Variants in SH3BGRL observed in about 807,000 individuals in gnomAD.
SH3BGRL encodes the protein adapter SH3BGRL.
A neutral mutation model predicts 9.8 loss-of-function variants in SH3BGRL; 7 were observed. The observed-to-expected ratio is 0.72, with a 90% CI of 0.41 to 1.35. The LOEUF (loss-of-function observed/expected upper bound fraction) is 1.35. Ranked by LOEUF, SH3BGRL falls within the 40% of genes most tolerant of loss-of-function variation. The pLI, the probability that SH3BGRL is intolerant of heterozygous loss-of-function variation, is 0.01. For missense variants in SH3BGRL, 73 were observed against 84.4 expected, an observed-to-expected ratio of 0.86 and a Z score of 0.53; for synonymous variants, 36 against 29.1, an observed-to-expected ratio of 1.24 and a Z score of -0.76.
At chrX:81,267,016 T>C (rs1351499036) in intron 1 of SH3BGRL, among the ~76,000 whole-genome samples, 1 of 111,613 alleles carries the variant, frequency 9.0e-6, no homozygotes, top group Non-Finnish European at 1.9e-5. Context: ...TTGTCTGTTA[T>C]TGGTGTATAG....
chrX:81,274,935 C>G (rs1410078604), intron 1 of SH3BGRL, among the ~76,000 whole-genome samples: 5 of 110,998 alleles, frequency 4.5e-5, no homozygotes, highest in Non-Finnish European at 9.4e-5. Flanking sequence ...GTAGAACACA[C>G]TAGTAGGTAT....
chrX:81,247,572 T>A (rs1001227327), intron 1 of SH3BGRL, among the ~76,000 whole-genome samples: 1 of 112,074 alleles, frequency 8.9e-6, no homozygotes, highest in South Asian at 3.7e-4. Flanking sequence ...ATTATATGGC[T>A]TTTGTTTTTC....
At chrX:81,266,607 AGCCTTG>A (rs1350363363) in intron 1 of SH3BGRL, among the ~76,000 whole-genome samples, 2 of 111,740 alleles carry the variant, frequency 1.8e-5, no homozygotes, top group African/African-American at 6.5e-5. Flanking sequence ...TGGTTACTGT[AGCCTTG>A]TAGTAAAGTT....
chrX:81,254,145 A>G (rs1469481794), intron 1 of SH3BGRL, among the ~76,000 whole-genome samples: 1 of 112,213 alleles, frequency 8.9e-6, no homozygotes, highest in Non-Finnish European at 1.9e-5. Context: ...CTTGATAGTC[A>G]TAGTTCAAAT....
At chrX:81,283,956 A>G (rs1470018678) in intron 3 of SH3BGRL, among the ~76,000 whole-genome samples, 1 of 111,494 alleles carries the variant, frequency 9.0e-6, no homozygotes, top group Admixed American at 9.5e-5. Context: ...GAACGATAAA[A>G]GAATTCAGCA....
intron 1 of SH3BGRL, among the ~76,000 whole-genome samples, chrX:81,213,144 A>G (rs1304584990): frequency 1.8e-5 from 2 of 112,273 alleles, no homozygotes; most frequent in Non-Finnish European, 3.8e-5. Context: ...ATGTAAGAGA[A>G]GAGATTTTGG....
At chrX:81,238,833 A>AGAGG (rs1337577630) in intron 1 of SH3BGRL, among the ~76,000 whole-genome samples, 1 of 106,182 alleles carries the variant, frequency 9.4e-6, no homozygotes, top group Non-Finnish European at 2.0e-5. Context: ...AGAGGGAGAG[A>AGAGG]GAGACTCCAT....
At chrX:81,204,975 CAT>C (rs2075541959) in intron 1 of SH3BGRL, among the ~76,000 whole-genome samples, 2 of 112,177 alleles carry the variant, frequency 1.8e-5, no homozygotes, top group Admixed American at 9.4e-5. Flanking sequence ...TTATGGGGGA[CAT>C]ATGATCTTTT....
At chrX:81,227,832 A>T (rs192130933) in intron 1 of SH3BGRL, among the ~76,000 whole-genome samples, 13 of 112,049 alleles carry the variant, frequency 1.2e-4, no homozygotes, top group African/African-American at 3.2e-4. Flanking sequence ...TAATGCCTGA[A>T]GTATTAACCC....
At chrX:81,232,243 A>T (rs185822389) in intron 1 of SH3BGRL, among the ~76,000 whole-genome samples, 49 of 111,582 alleles carry the variant, frequency 4.4e-4, no homozygotes, top group Admixed American at 3.6e-3. Flanking sequence ...AATGCAAGTT[A>T]TTTAATTCTC....
chrX:81,288,041 A>G (rs949384978), intron 3 of SH3BGRL, among the ~76,000 whole-genome samples: 1 of 111,543 alleles, frequency 9.0e-6, no homozygotes, highest in African/African-American at 3.3e-5. Flanking sequence ...ATTTTTCAAA[A>G]ATATATTAGC....
chrX:81,252,864 T>C (rs1437100573), intron 1 of SH3BGRL, among the ~76,000 whole-genome samples: 1 of 109,040 alleles, frequency 9.2e-6, no homozygotes, highest in Non-Finnish European at 1.9e-5. Flanking sequence ...TTATTTCCTG[T>C]AATTTATACT....
chrX:81,217,850 T>C (rs1173308872), intron 1 of SH3BGRL, among the ~76,000 whole-genome samples: 1 of 111,200 alleles, frequency 9.0e-6, no homozygotes, highest in Non-Finnish European at 1.9e-5. Context: ...CAGTGAAGTA[T>C]TGAATTTCCC....
intron 1 of SH3BGRL, among the ~76,000 whole-genome samples, chrX:81,239,517 A>G (rs1032106377): frequency 1.8e-5 from 2 of 111,907 alleles, no homozygotes; most frequent in Non-Finnish European, 3.8e-5. Context: ...TAGCACGCAT[A>G]CAGAATCTAA....
At position 81,298,234 on chromosome X, in the gene SH3BGRL, C is replaced by T. The variant is rs1200671766; in HGVS notation, c.*1007C>T. The T allele has an allele frequency of 9.0e-6, 1 of 111,318 alleles. No individual in the cohort carries two copies. The highest frequency in any genetic ancestry group is 1.9e-5 in the Non-Finnish European group (1 of 52,800). The allele number at this position is 111,318 out of a possible 1,213,427, so 9.2% of individuals were successfully genotyped here. A position where few individuals can be genotyped will look rare whatever the true frequency, so the allele number is the denominator to read the frequency against. ...TTAGTCTAAGCAGTGAGAATCTTTT[C>T]TATGCCTCTATTCCAGCAAAAAGTA... is the stretch of plus-strand genomic sequence containing the variant. On this transcript the variant is annotated 3_prime_UTR_variant, in exon 4 of 4. Transcript: ENST00000373212.
intron 1 of SH3BGRL, among the ~76,000 whole-genome samples, chrX:81,269,284 G>GCTCA (rs1484382745): frequency 1.1e-4 from 12 of 111,441 alleles, no homozygotes; most frequent in African/African-American, 3.9e-4. Flanking sequence ...TATTTCGCCT[G>GCTCA]TTAATTGATG....
chrX:81,212,271 A>G (rs2075567326), intron 1 of SH3BGRL, among the ~76,000 whole-genome samples: 1 of 111,262 alleles, frequency 9.0e-6, no homozygotes, highest in Non-Finnish European at 1.9e-5. Context: ...AAGATGTTAA[A>G]TTTAAACTTT....
intron 1 of SH3BGRL, among the ~76,000 whole-genome samples, chrX:81,271,936 T>A (rs2075781170): frequency 9.0e-6 from 1 of 111,383 alleles, no homozygotes; most frequent in African/African-American, 3.3e-5. Context: ...GGCTCATGCC[T>A]GTAATCCCAG....
At chrX:81,214,697 TCAGA>T (rs1391406980) in intron 1 of SH3BGRL, among the ~76,000 whole-genome samples, 1 of 112,030 alleles carries the variant, frequency 8.9e-6, no homozygotes, top group Non-Finnish European at 1.9e-5. Context: ...AATAATTTTA[TCAGA>T]CAAATGCATA....
Sources: gnomAD v4.1 joint callset for allele counts (sites outside exome capture counted in the v4.1 genomes callset) on GRCh38, gnomAD v4.1.1 for gene constraint, MANE v1.5 for transcripts, NCBI Gene and HGNC (gene_info 2026-07-23, HGNC 2026-07-21) for gene names.